The following TENM2 variants were observed in gnomAD, a reference collection of about 807,000 sequenced individuals.
TENM2 encodes the protein teneurin-2.
In TENM2, 52 loss-of-function variants were observed where a neutral mutation model predicts 245.2. The observed-to-expected ratio is 0.21, with a 90% CI of 0.17 to 0.27. The LOEUF is 0.27. Among genes scored for constraint, TENM2 ranks in the 10% least tolerant of loss-of-function variants. The pLI is 1.00. For missense variants in TENM2, 3,046 were observed against 3,666.8 expected (o/e 0.83, Z 4.37); for synonymous variants, 1,363 against 1,438.9 (o/e 0.95, Z 1.19).
chr5:167,365,480 G>A (rs1430208871), intron 1 of TENM2, among the ~76,000 whole-genome samples: 1 of 151,626 alleles, frequency 6.6e-6, no homozygotes, highest in South Asian at 2.1e-4. Context: ...GCCAACAGCT[G>A]TTTGAAAAAT....
chr5:167,265,527 G>T, the TENM2 span, among the ~76,000 whole-genome samples: 26 of 151,960 alleles, frequency 1.7e-4, no homozygotes, highest in South Asian at 5.4e-3. Context: ...AACTCAAGTT[G>T]GTTTAATTTG....
At chr5:168,190,211 G>A in intron 13 of TENM2, 126 bp from the exon 16 acceptor site, 1 of 641,856 alleles carries the variant, frequency 1.6e-6, no homozygotes, top group Non-Finnish European at 2.7e-6. Flanking sequence ...TGTGAAACCT[G>A]CCACCTCAGG....
chr5:167,803,895 T>C (rs1363019420), intron 2 of TENM2, among the ~76,000 whole-genome samples: 1 of 152,150 alleles, frequency 6.6e-6, no homozygotes, highest in East Asian at 1.9e-4. Context: ...AATTTATTTC[T>C]AATTAACATA....
intron 2 of TENM2, among the ~76,000 whole-genome samples, chr5:167,804,465 C>A (rs190009106): frequency 6.6e-6 from 1 of 152,002 alleles, no homozygotes; most frequent in African/African-American, 2.4e-5. Flanking sequence ...AGTTATTAAG[C>A]CTTTAGTTGC....
At chr5:167,749,489 T>C (rs1412697413) in intron 2 of TENM2, among the ~76,000 whole-genome samples, 11 of 151,878 alleles carry the variant, frequency 7.2e-5, no homozygotes, top group Non-Finnish European at 4.4e-5. Context: ...AATACAAAAA[T>C]CAGCCGGGTG....
At chr5:167,070,284 A>ATTTTTTTTTTT in the TENM2 span, among the ~76,000 whole-genome samples, 848 of 99,296 alleles carry the variant, frequency 8.5e-3, 44 homozygotes, top group African/African-American at 0.036. Flanking sequence ...CGCCCGGCTA[A>ATTTTTTTTTTT]TTTTTTTTTT....
chr5:168,093,182 C>T (rs989852658), intron 8 of TENM2, among the ~76,000 whole-genome samples: 1 of 152,166 alleles, frequency 6.6e-6, no homozygotes, highest in Non-Finnish European at 1.5e-5. Flanking sequence ...GGATTATTTC[C>T]CAACAACTTC....
chr5:167,505,742 G>A (rs1266720666), intron 2 of TENM2, among the ~76,000 whole-genome samples: 1 of 152,174 alleles, frequency 6.6e-6, no homozygotes, highest in African/African-American at 2.4e-5. Context: ...AGTTAGGACA[G>A]GCAGGCATAA....
chr5:167,454,834 A>G lies in TENM2; in HGVS notation c.502+79361A>G, dbSNP rs13169252. On this transcript the variant is annotated intron_variant, in intron 2 of 28. Transcript: ENST00000518659. The stretch of plus-strand genomic sequence containing the variant: ...TATTCACCTCTGAATCACTATGGCT[A>G]TGATGATCCAAGCCTGAGTTACATG... Among the ~76,000 whole-genome samples the G allele has an allele frequency of 3.2e-3, 490 of 152,214 alleles. 25 individuals carry two copies. In the South Asian group the frequency reaches 0.098, roughly 31 times the overall value.
chr5:167,043,504 G>A, the TENM2 span, among the ~76,000 whole-genome samples: 41 of 152,194 alleles, frequency 2.7e-4, no homozygotes, highest in Admixed American at 5.9e-4. Context: ...AATAAAAATT[G>A]GGTGTGCAGA....
intron 3 of TENM2, among the ~76,000 whole-genome samples, chr5:167,886,414 T>C (rs1193655082): frequency 6.6e-6 from 1 of 152,186 alleles, no homozygotes; most frequent in Non-Finnish European, 1.5e-5. Flanking sequence ...GAATAATGAC[T>C]TAGCTATTAA....
intron 2 of TENM2, among the ~76,000 whole-genome samples, chr5:167,449,115 T>G (rs1765402575): frequency 6.6e-6 from 1 of 152,196 alleles, no homozygotes; most frequent in African/African-American, 2.4e-5. Context: ...AAAATTGTAA[T>G]GTGGCCAATT....
intron 2 of TENM2, among the ~76,000 whole-genome samples, chr5:167,623,448 C>G (rs966274510): frequency 2.1e-4 from 32 of 152,088 alleles, no homozygotes; most frequent in Non-Finnish European, 2.9e-5. Context: ...ATTTCACTTT[C>G]TTTTTTAAGC....
At chr5:167,587,153 A>G (rs1482197061) in intron 2 of TENM2, among the ~76,000 whole-genome samples, 1 of 152,140 alleles carries the variant, frequency 6.6e-6, no homozygotes, top group Admixed American at 6.5e-5. Flanking sequence ...CTCTTTTAAT[A>G]CTTGTAACTC....
the TENM2 span, among the ~76,000 whole-genome samples, chr5:167,095,924 C>G: frequency 1.3e-5 from 2 of 152,000 alleles, no homozygotes; most frequent in African/African-American, 4.8e-5. Context: ...GCACCCGCCA[C>G]CACACCTGGT....
chr5:168,045,047 A>G (rs934247984), intron 5 of TENM2, among the ~76,000 whole-genome samples: 2 of 152,302 alleles, frequency 1.3e-5, no homozygotes, highest in African/African-American at 4.8e-5. Context: ...GTTCAACAAC[A>G]GAAAATATGC....
chr5:167,832,119 G>A (rs772022493), intron 2 of TENM2, among the ~76,000 whole-genome samples: 9 of 152,178 alleles, frequency 5.9e-5, no homozygotes, highest in Non-Finnish European at 1.0e-4. Context: ...GTTTGTCAGG[G>A]CAGTAATAAT....
At chr5:167,662,989 T>A (rs938348846) in intron 2 of TENM2, among the ~76,000 whole-genome samples, 2 of 152,210 alleles carry the variant, frequency 1.3e-5, no homozygotes, top group African/African-American at 4.8e-5. Flanking sequence ...TTCTCTCATA[T>A]TTTAACCTCT....
In TENM2 at chr5:168,247,491, G is replaced by T. The variant is rs1435922602; in HGVS notation, c.6552G>T (p.Arg2184Ser). Residue 2184 changes from arginine (R) to serine (S), a missense_variant, in exon 27 of 29, where the codon AGG (arginine) becomes AGT (serine). Around this residue, in one of 2 missense-constraint regions of TENM2, gnomAD observed 2,704 missense variants for 3,331.9 expected, o/e 0.81. Coordinates refer to ENST00000518659, the Ensembl canonical transcript of TENM2. This position sits in a 1 kb window ranked among gnomAD's most constrained non-coding sequence, Gnocchi z 7.8. ...CGGTGCAATATGACAGCATGGGCAG[G>T]GTGATCAAGAGGGAGCTAAAACTGG... 5 of 1,612,496 alleles carry T rather than the reference G, an allele frequency of 3.1e-6. No individual in the cohort carries two copies. The highest frequency in any genetic ancestry group is 1.3e-5 in the African/African-American group (1 of 74,898).
Sources: allele counts gnomAD v4.1 joint callset (sites outside exome capture counted in the v4.1 genomes callset), GRCh38; gene constraint gnomAD v4.1.1; regional missense constraint gnomAD v4.1.1; non-coding constraint Gnocchi (gnomAD v3.1); transcripts MANE v1.5; gene names NCBI Gene and HGNC (gene_info 2026-07-23, HGNC 2026-07-21).